The following ACACB variants were observed in gnomAD, a reference collection of about 807,000 sequenced individuals.
The protein encoded by ACACB is acetyl-CoA carboxylase 2.
Under a neutral mutation model 278.8 loss-of-function variants are expected in ACACB, and 209 were observed. That is an observed-to-expected ratio of 0.75 (90% confidence interval 0.67 to 0.84). The LOEUF is 0.84. ACACB is among the 40% of genes least tolerant of loss of function. The pLI is 0.00. For missense variants in ACACB, 2,850 were observed against 3,269.0 expected, an observed-to-expected ratio of 0.87 and a Z score of 3.13; for synonymous variants, 1,174 against 1,285.6, an observed-to-expected ratio of 0.91 and a Z score of 1.86.
Position 109,123,898 on chromosome 12 carries a change from G to A in ACACB, c.-10+7194G>A, listed in dbSNP as rs111891320. Among the ~76,000 whole-genome samples the A allele has an allele frequency of 9.4e-3, 1,411 of 150,650 alleles. 33 individuals are homozygous for A. Among genetic ancestry groups the A allele is most frequent in the African/African-American group, 0.033 (1,342 of 41,034 alleles). On this transcript the variant is annotated intron_variant, in intron 1 of 52. Transcript: ENST00000338432. ...GGTAACAGAGTTTGCCATGTTGCTCGGGCTGGTCTTGAACTCCTGGGCTCA... is the reference window on the plus strand; with the variant it reads ...GGTAACAGAGTTTGCCATGTTGCTCAGGCTGGTCTTGAACTCCTGGGCTCA...
intron 2 of ACACB, among the ~76,000 whole-genome samples, chr12:109,146,400 A>G (rs962952051): frequency 1.3e-5 from 2 of 152,184 alleles, no homozygotes; most frequent in Non-Finnish European, 2.9e-5. Flanking sequence ...AAGGATGGAA[A>G]ATGCTTGTGT....
intron 25 of ACACB, 51 bp downstream of exon 25, chr12:109,222,671 T>A: frequency 6.5e-7 from 1 of 1,548,614 alleles, no homozygotes; most frequent in Non-Finnish European, 8.9e-7. Flanking sequence ...CCCACCCTCC[T>A]ATGTGTCCCC....
At chr12:109,123,894 G>A (rs2042614538) in intron 1 of ACACB, among the ~76,000 whole-genome samples, 1 of 150,644 alleles carries the variant, frequency 6.6e-6, no homozygotes, top group Non-Finnish European at 1.5e-5. Context: ...TTGCCATGTT[G>A]CTCGGGCTGG....
chr12:109,209,413 G>T, intron 21 of ACACB, 60 bp downstream of exon 21: 1 of 1,520,440 alleles, frequency 6.6e-7, no homozygotes. Flanking sequence ...CCGGCTCCCG[G>T]TCTGGCTCGA....
chr12:109,230,731 T>G (rs1172569065), intron 28 of ACACB, among the ~76,000 whole-genome samples: 1 of 152,134 alleles, frequency 6.6e-6, no homozygotes, highest in Non-Finnish European at 1.5e-5. Flanking sequence ...TGCCTGGCCT[T>G]CTCTTTTGAT....
chr12:109,157,594 G>A (rs2043585560), intron 2 of ACACB, among the ~76,000 whole-genome samples: 1 of 152,120 alleles, frequency 6.6e-6, no homozygotes, highest in Non-Finnish European at 1.5e-5. Context: ...TTGAGACTCT[G>A]TGTGGAAGTC....
At chr12:109,238,375 T>A (rs1489161047) in intron 34 of ACACB, among the ~76,000 whole-genome samples, 1 of 142,312 alleles carries the variant, frequency 7.0e-6, no homozygotes, top group Admixed American at 7.3e-5. Context: ...CCCCTATTGA[T>A]GGAAACATAT....
chr12:109,202,269 CT>C (rs2045358669), intron 19 of ACACB, among the ~76,000 whole-genome samples: 1 of 151,950 alleles, frequency 6.6e-6, no homozygotes, highest in Non-Finnish European at 1.5e-5. Context: ...GCCAGTTTCC[CT>C]GTCATTCATT....
Position 109,201,771 on chromosome 12 carries a change from G to A in ACACB, c.2913+70G>A. 3.2e-6 allele frequency: 5 copies of A among 1,568,274 alleles called. No homozygotes were observed. In the South Asian group the frequency reaches 5.8e-5, roughly 18 times the overall value. The stretch of plus-strand genomic sequence containing the variant: ...CTCGTGACCTCCACTGGTTCAGTGA[G>A]ACAGGTGGACTCAAGGCTGGTAGCG... On this transcript the variant is annotated intron_variant, in intron 19 of 52. Coordinates refer to ENST00000338432, the MANE Select transcript of ACACB (RefSeq NM_001093.4).
chr12:109,157,269 G>GTTATTATTATTATTATTA (rs1283542863), intron 2 of ACACB, among the ~76,000 whole-genome samples: 1 of 39,704 alleles, frequency 2.5e-5, no homozygotes, highest in South Asian at 8.7e-4. Flanking sequence ...CCTTTCTAGA[G>GTTATTATTATTATTATTA]TTGTTATTAT....
intron 45 of ACACB, among the ~76,000 whole-genome samples, chr12:109,256,684 C>T (rs1336791700): frequency 1.3e-5 from 2 of 152,178 alleles, no homozygotes; most frequent in Non-Finnish European, 2.9e-5. Context: ...GACAGCTCCA[C>T]CTGCCTGAAA....
intron 41 of ACACB, among the ~76,000 whole-genome samples, chr12:109,251,208 TTCTA>T (rs769695696): frequency 6.6e-5 from 10 of 152,180 alleles, no homozygotes; most frequent in African/African-American, 9.7e-5. Flanking sequence ...TTCAGGTGTT[TTCTA>T]TCTATCAGGA....
chr12:109,206,428 C>CACAAAAAAAAAAAAAA (rs1555221628), intron 19 of ACACB, among the ~76,000 whole-genome samples: 1 of 89,758 alleles, frequency 1.1e-5, no homozygotes, highest in Non-Finnish European at 2.1e-5. Context: ...GCGAGTGTCT[C>CACAAAAAAAAAAAAAA]AAAAAAAAAA....
At chr12:109,184,874 TG>T (rs2044600488) in intron 11 of ACACB, among the ~76,000 whole-genome samples, 1 of 151,984 alleles carries the variant, frequency 6.6e-6, no homozygotes, top group Admixed American at 6.6e-5. Flanking sequence ...GCCTGGCTAA[TG>T]TTTTTTTAAT....
At position 109,199,177 on chromosome 12, in the gene ACACB, G is replaced by A. The variant is rs1221849877; in HGVS notation, c.2628-225G>A. ...TGCACTCCAGCCTGGGCAACAGAGC[G>A]AGACTCCGTCTCAAAAAAAAAAATA... On this transcript the variant is annotated intron_variant, in intron 17 of 52. Transcript: ENST00000338432. Among the ~76,000 whole-genome samples the A allele has an allele frequency of 4.6e-5, 7 of 151,526 alleles. 1 individual carries two copies. Among genetic ancestry groups the A allele is most frequent in the South Asian group, 2.1e-4 (1 of 4,812 alleles).
intron 21 of ACACB, among the ~76,000 whole-genome samples, chr12:109,211,452 C>G (rs888666309): frequency 6.6e-6 from 1 of 150,922 alleles, no homozygotes; most frequent in African/African-American, 2.4e-5. Flanking sequence ...GGGTTTTCAC[C>G]ATGTTGGCCA....
At chr12:109,153,594 A>G (rs2043436942) in intron 2 of ACACB, among the ~76,000 whole-genome samples, 1 of 152,180 alleles carries the variant, frequency 6.6e-6, no homozygotes, top group Non-Finnish European at 1.5e-5. Flanking sequence ...CTTTATTATT[A>G]CTGCGATGAC....
At chr12:109,147,101 G>C (rs2043260873) in intron 2 of ACACB, among the ~76,000 whole-genome samples, 1 of 152,042 alleles carries the variant, frequency 6.6e-6, no homozygotes, top group Non-Finnish European at 1.5e-5. Context: ...TCCTCAAAGG[G>C]CCTTCCCTGT....
Position 109,133,855 on chromosome 12 carries a change from ATATATATATTTTT to A in ACACB, c.-9-5540_-9-5528del, listed in dbSNP as rs1487610885. 6.0e-5 allele frequency among the ~76,000 whole-genome samples: 3 copies of A among 49,746 alleles called. 1 individual carries two copies. The highest frequency in any genetic ancestry group is 2.8e-4 in the African/African-American group (3 of 10,678). 32.6% of individuals were successfully genotyped at this position (49,746 alleles called of 152,430 possible). A position where few individuals can be genotyped will look rare whatever the true frequency, so the allele number is the denominator to read the frequency against. ...TGTGTGCATATATATATATATATAT[ATATATATATTTTT>A]TTTTTTTTTTTTTTCATTTTTTCAG... is the stretch of plus-strand genomic sequence containing the variant. On this transcript the variant is annotated intron_variant, in intron 1 of 52. Coordinates refer to ENST00000338432, the MANE Select transcript of ACACB (RefSeq NM_001093.4).
Sources: allele counts gnomAD v4.1 joint callset (sites outside exome capture counted in the v4.1 genomes callset), GRCh38; gene constraint gnomAD v4.1.1; transcripts MANE v1.5; gene names NCBI Gene and HGNC (gene_info 2026-07-23, HGNC 2026-07-21).